PDSS1: variants seen among roughly 807,000 people sequenced by gnomAD.
The protein encoded by PDSS1 is all trans-polyprenyl-diphosphate synthase PDSS1.
PDSS1 carries 43 observed loss-of-function variants against 57.5 expected under a neutral mutation model. The observed-to-expected ratio is 0.75, with a 90% CI of 0.59 to 0.96. The LOEUF is 0.96. Among genes scored for constraint, PDSS1 ranks in the 50% least tolerant of loss-of-function variants. PDSS1 has a pLI of 0.00. For synonymous variants in PDSS1, 175 were observed against 191.3 expected, an observed-to-expected ratio of 0.91 and a Z score of 0.70; for missense variants, 438 against 527.8, an observed-to-expected ratio of 0.83 and a Z score of 1.67.
At chr10:26,739,878 T>C (rs1457356634) in intron 10 of PDSS1, among the ~76,000 whole-genome samples, 3 of 152,174 alleles carry the variant, frequency 2.0e-5, no homozygotes, top group Non-Finnish European at 4.4e-5. Context: ...GGCTCACGCC[T>C]GTAATCCCAC....
At chr10:26,708,143 C>T (rs891943292) in intron 4 of PDSS1, among the ~76,000 whole-genome samples, 1 of 152,224 alleles carries the variant, frequency 6.6e-6, no homozygotes, top group Non-Finnish European at 1.5e-5. Flanking sequence ...GTAGGCAAGG[C>T]TTGTCTTACT....
chr10:26,740,067 G>A (rs1053743647), intron 10 of PDSS1, among the ~76,000 whole-genome samples: 21 of 151,238 alleles, frequency 1.4e-4, no homozygotes, highest in African/African-American at 4.4e-4. Context: ...ATTTGAACCC[G>A]GGAGGCGGAG....
chr10:26,744,700 T>C (rs924234339), intron 11 of PDSS1, among the ~76,000 whole-genome samples: 4 of 152,096 alleles, frequency 2.6e-5, no homozygotes, highest in Admixed American at 6.5e-5. Context: ...ATGAACACTT[T>C]CTGGGTAGGT....
chr10:26,714,111 T>C (rs1303135779), intron 5 of PDSS1, among the ~76,000 whole-genome samples: 1 of 152,158 alleles, frequency 6.6e-6, no homozygotes, highest in South Asian at 2.1e-4. Context: ...GTCTGCCTCC[T>C]GCAGAACCTA....
chr10:26,727,174 T>C (rs9418589), intron 8 of PDSS1, among the ~76,000 whole-genome samples: 131,678 of 152,120 alleles, frequency 0.87, 57,019 homozygotes, highest in East Asian at 0.93. Context: ...CATTTTGTAG[T>C]TTACTAATAA....
chr10:26,710,247 G>T (rs146761267), intron 5 of PDSS1, among the ~76,000 whole-genome samples: 1 of 90,104 alleles, frequency 1.1e-5, no homozygotes, highest in African/African-American at 3.7e-5. Flanking sequence ...ATCTAGTCTG[G>T]CATCTTTTTT....
At chr10:26,727,740 C>T (rs1245636014) in intron 8 of PDSS1, among the ~76,000 whole-genome samples, 4 of 151,788 alleles carry the variant, frequency 2.6e-5, no homozygotes, top group East Asian at 1.9e-4. Context: ...ACTGTTATAA[C>T]GAAAGGGAAA....
rs981920083 is a variant in PDSS1 at position 26,740,780 on chromosome 10, C to A, written c.1027-1717C>A. Reference sequence around the variant, plus strand: ...AGTCATGAAGATGAGAAGCCTAAGACCCCAGGGGCTAAGGAAGTCACTCGG... The same window carrying A: ...AGTCATGAAGATGAGAAGCCTAAGAACCCAGGGGCTAAGGAAGTCACTCGG... On this transcript the variant is annotated intron_variant, in intron 10 of 11. Coordinates refer to ENST00000376215, the MANE Select transcript of PDSS1 (RefSeq NM_014317.5). The A allele has an allele frequency of 3.2e-5, 14 of 434,026 alleles. No individual in the cohort carries two copies. In the Admixed American group the frequency reaches 3.5e-4, roughly 11 times the overall value. The allele number at this position is 434,026 out of a possible 1,614,324, so 26.9% of individuals were successfully genotyped here. A position where few individuals can be genotyped will look rare whatever the true frequency, so the allele number is the denominator to read the frequency against.
intron 5 of PDSS1, 44 bp downstream of exon 5, chr10:26,709,812 A>T: frequency 6.3e-7 from 1 of 1,595,574 alleles, no homozygotes; most frequent in Non-Finnish European, 8.6e-7. Context: ...ATATTTGGGA[A>T]GTCTTTCTTC....
At chr10:26,724,589 T>G (rs934415204) in intron 8 of PDSS1, among the ~76,000 whole-genome samples, 7 of 152,174 alleles carry the variant, frequency 4.6e-5, no homozygotes, top group Non-Finnish European at 8.8e-5. Context: ...TTTTTGTGTT[T>G]TTTTGAGACA....
chr10:26,733,429 G>A (rs11015252), intron 8 of PDSS1, among the ~76,000 whole-genome samples: 2,837 of 152,210 alleles, frequency 0.019, 89 homozygotes, highest in African/African-American at 0.064. Flanking sequence ...TGGGAAGGTG[G>A]TTGCTGTTGA....
intron 2 of PDSS1, among the ~76,000 whole-genome samples, chr10:26,703,813 G>C (rs1302148080): frequency 6.6e-6 from 1 of 151,998 alleles, no homozygotes; most frequent in Non-Finnish European, 1.5e-5. Context: ...CGGGCGCGGT[G>C]GCTCACGCCT....
intron 5 of PDSS1, 37 bp from the exon 6 acceptor site, chr10:26,720,181 C>T (rs755634985): frequency 1.3e-5 from 21 of 1,611,386 alleles, no homozygotes; most frequent in East Asian, 6.7e-5. Flanking sequence ...AGGTTCTAGG[C>T]GGCGTCTGTT....
chr10:26,745,684 T>TA (rs1199207265), intron 11 of PDSS1, among the ~76,000 whole-genome samples: 1 of 151,948 alleles, frequency 6.6e-6, no homozygotes, highest in Non-Finnish European at 1.5e-5. Flanking sequence ...CCATCTCTAC[T>TA]AAAAATACAA....
chr10:26,724,687 C>T (rs566142079), intron 8 of PDSS1, among the ~76,000 whole-genome samples: 33 of 152,222 alleles, frequency 2.2e-4, no homozygotes, highest in Non-Finnish European at 1.9e-4. Flanking sequence ...AGGCAATTCT[C>T]CTGCCTCAGC....
rs758072939 is a variant in PDSS1, at chr10:26,720,365, GT to G, written c.609+12del. On this transcript the variant is annotated splice_region_variant and intron_variant, in intron 6 of 11. Coordinates refer to ENST00000376215, the MANE Select transcript of PDSS1 (RefSeq NM_014317.5). ...AGATCTGGGGTGAAAAGAAGGTATGGTTTTTTGGTTTTTTTAAAATCTCTCT... is the reference window on the plus strand; with the variant it reads ...AGATCTGGGGTGAAAAGAAGGTATGGTTTTTGGTTTTTTTAAAATCTCTCT... 1 of 1,594,072 alleles carries G rather than the reference GT, an allele frequency of 6.3e-7. No homozygotes were observed. Among genetic ancestry groups the G allele is most frequent in the South Asian group, 1.1e-5 (1 of 90,668 alleles).
intron 8 of PDSS1, among the ~76,000 whole-genome samples, chr10:26,734,498 C>G (rs554715323): frequency 6.6e-6 from 1 of 152,278 alleles, no homozygotes; most frequent in East Asian, 1.9e-4. Flanking sequence ...GTGGCCGGTG[C>G]CAGCTAGCTT....
intron 2 of PDSS1, among the ~76,000 whole-genome samples, 156 bp from the exon 3 acceptor site, chr10:26,704,521 A>C (rs775559682): frequency 3.9e-5 from 6 of 152,190 alleles, no homozygotes; most frequent in Non-Finnish European, 8.8e-5. Context: ...TGTAATAACA[A>C]AAGGAAACTT....
At chr10:26,710,712 G>A (rs529155382) in intron 5 of PDSS1, among the ~76,000 whole-genome samples, 1 of 98,778 alleles carries the variant, frequency 1.0e-5, no homozygotes, top group South Asian at 2.7e-4. Flanking sequence ...TTGCAAGTTA[G>A]GTTCTCCAGG....
Sources: allele counts gnomAD v4.1 joint callset (sites outside exome capture counted in the v4.1 genomes callset), GRCh38; gene constraint gnomAD v4.1.1; transcripts MANE v1.5; gene names NCBI Gene and HGNC (gene_info 2026-07-23, HGNC 2026-07-21).